The following CRYBG1 variants were observed in gnomAD, a reference collection of about 807,000 sequenced individuals.
The protein encoded by CRYBG1 is beta/gamma crystallin domain-containing protein 1.
A neutral mutation model predicts 189.2 loss-of-function variants in CRYBG1; 139 were observed. The observed-to-expected ratio is 0.73, with a 90% CI of 0.64 to 0.85. The LOEUF (loss-of-function observed/expected upper bound fraction) is 0.85. Ranked by LOEUF, CRYBG1 falls within the 40% of genes least tolerant of loss-of-function variation. CRYBG1 has a pLI of 0.00. For missense variants in CRYBG1, 2,611 were observed against 2,675.8 expected (o/e 0.98, Z 0.53); for synonymous variants, 1,023 against 1,017.1 (o/e 1.01, Z -0.11).
At chr6:106,391,723 CT>C (rs1758326424) in intron 1 of CRYBG1, among the ~76,000 whole-genome samples, 1 of 152,140 alleles carries the variant, frequency 6.6e-6, no homozygotes, top group Admixed American at 6.5e-5. Flanking sequence ...GGGAGCTTTG[CT>C]GGCCCTGGGC....
chr6:106,409,681 G>A (rs1770889539), intron 1 of CRYBG1, among the ~76,000 whole-genome samples: 1 of 152,066 alleles, frequency 6.6e-6, no homozygotes, highest in South Asian at 2.1e-4. Flanking sequence ...CAGATATATA[G>A]ACCAATGGAA....
chr6:106,555,024 G>A (rs1301980434), intron 16 of CRYBG1, among the ~76,000 whole-genome samples: 6 of 151,880 alleles, frequency 4.0e-5, no homozygotes, highest in African/African-American at 9.7e-5. Context: ...AATTAGCCAG[G>A]TGTGGTGGCA....
In CRYBG1 at chr6:106,512,693, C is replaced by T; in HGVS notation, c.1576C>T (p.Pro526Ser). ...KGRSRALEAV[P>S]APPASGPRAP... ...CAGGAGCCGTGCCCTCGAGGCCGTGCCCGCCCCGCCCGCCAGCGGCCCCCG... is the reference window on the plus strand; with the variant it reads ...CAGGAGCCGTGCCCTCGAGGCCGTGTCCGCCCCGCCCGCCAGCGGCCCCCG... The change falls in exon 3 of 22, where the codon CCC (proline) becomes TCC (serine). Residue 526 changes from proline (P) to serine (S), a missense_variant. Physicochemically the swap from Pro to Ser is moderately conservative, Grantham distance 74. This residue lies in a region of CRYBG1 where 985 missense variants were observed against 924.4 expected (regional missense o/e 1.07). Coordinates refer to ENST00000633556, the MANE Select transcript of CRYBG1 (RefSeq NM_001371242.2). 6.5e-7 allele frequency: 1 copy of T among 1,542,062 alleles called. No homozygotes were observed. The highest frequency in any genetic ancestry group is 2.0e-5 in the Admixed American group (1 of 50,034).
At chr6:106,522,033 G>A (rs1394298192) in intron 4 of CRYBG1, among the ~76,000 whole-genome samples, 1 of 152,094 alleles carries the variant, frequency 6.6e-6, no homozygotes, top group African/African-American at 2.4e-5. Flanking sequence ...CTGACTGGCT[G>A]GCAATAAATC....
intron 1 of CRYBG1, among the ~76,000 whole-genome samples, chr6:106,443,330 T>C (rs1044399508): frequency 2.0e-5 from 3 of 152,210 alleles, no homozygotes; most frequent in African/African-American, 7.2e-5. Flanking sequence ...ATTCATAATG[T>C]TTTATATAAT....
intron 8 of CRYBG1, among the ~76,000 whole-genome samples, chr6:106,535,761 T>TAAAACGA (rs1582824361): frequency 1.9e-5 from 1 of 53,204 alleles, no homozygotes; most frequent in African/African-American, 6.8e-5. Flanking sequence ...CACTAACTTT[T>TAAAACGA]TTTTTTTTTT....
chr6:106,567,744 G>T (rs1057050145), intron 21 of CRYBG1, among the ~76,000 whole-genome samples: 5 of 152,132 alleles, frequency 3.3e-5, no homozygotes, highest in Admixed American at 6.5e-5. Context: ...AAGCCATGAG[G>T]CTGTTTTTAG....
chr6:106,543,685 C>T (rs776921059), intron 11 of CRYBG1, 88 bp downstream of exon 11: 1 of 1,373,742 alleles, frequency 7.3e-7, no homozygotes, highest in Non-Finnish European at 1.0e-6. Flanking sequence ...AAACAACATT[C>T]CTGATTCTAT....
At chr6:106,426,673 T>G (rs757726009) in intron 1 of CRYBG1, among the ~76,000 whole-genome samples, 22 of 152,212 alleles carry the variant, frequency 1.4e-4, no homozygotes, top group Non-Finnish European at 2.4e-4. Context: ...GGGCAGAGTC[T>G]GCCCCTGGAG....
chr6:106,512,404 C>T lies in CRYBG1; in HGVS notation c.1287C>T (p.Asp429=). The part of the protein sequence containing the change: ...GRRRGSQKST[D]SPGADAELPE... ...GGAGGGGGTCGCAGAAATCCACCGA[C>T]TCCCCCGGCGCGGACGCCGAGCTCC... Residue 429 remains aspartate, a synonymous_variant, in exon 3 of 22, where the codon GAC becomes GAT. Transcript: ENST00000633556. The T allele has an allele frequency of 1.2e-6, 2 of 1,608,992 alleles. No homozygotes were observed. Among genetic ancestry groups the T allele is most frequent in the Non-Finnish European group, 1.7e-6 (2 of 1,178,410 alleles).
At chr6:106,404,534 A>G (rs1770781874) in intron 1 of CRYBG1, among the ~76,000 whole-genome samples, 1 of 152,166 alleles carries the variant, frequency 6.6e-6, no homozygotes, top group Non-Finnish European at 1.5e-5. Context: ...TAATATCTTC[A>G]CTGATATCTT....
intron 11 of CRYBG1, among the ~76,000 whole-genome samples, chr6:106,543,945 G>A (rs1774199646): frequency 6.6e-6 from 1 of 152,190 alleles, no homozygotes; most frequent in Admixed American, 6.5e-5. Context: ...CCAGCTACTT[G>A]GGAGGCTGAG....
At chr6:106,416,099 C>A (rs1172088694) in intron 1 of CRYBG1, among the ~76,000 whole-genome samples, 2 of 152,220 alleles carry the variant, frequency 1.3e-5, no homozygotes, top group Non-Finnish European at 2.9e-5. Flanking sequence ...CTGCTGCCCC[C>A]TTTCTTGGCC....
chr6:106,471,803 TAA>T (rs36006580), intron 2 of CRYBG1, among the ~76,000 whole-genome samples: 24 of 135,912 alleles, frequency 1.8e-4, no homozygotes, highest in Admixed American at 2.2e-4. Context: ...GCCAGACAGT[TAA>T]AAAAAAAAAA....
At chr6:106,550,878 A>G (rs917675231) in intron 13 of CRYBG1, among the ~76,000 whole-genome samples, 3 of 152,026 alleles carry the variant, frequency 2.0e-5, no homozygotes, top group Non-Finnish European at 2.9e-5. Context: ...AAAAGCACAG[A>G]GAAGTATTGC....
intron 16 of CRYBG1, among the ~76,000 whole-genome samples, chr6:106,554,894 C>T (rs146001090): frequency 4.5e-4 from 68 of 152,180 alleles, no homozygotes; most frequent in East Asian, 2.1e-3. Context: ...GGGCCAGGCA[C>T]GGTGACTCAC....
intron 2 of CRYBG1, among the ~76,000 whole-genome samples, chr6:106,500,497 T>C (rs114741727): frequency 0.016 from 2,472 of 152,288 alleles, 61 homozygotes; most frequent in African/African-American, 0.053. Flanking sequence ...CAGATCCTTT[T>C]TCCATTTTTT....
At chr6:106,491,126 C>A (rs1020275073) in intron 2 of CRYBG1, among the ~76,000 whole-genome samples, 1 of 152,132 alleles carries the variant, frequency 6.6e-6, no homozygotes, top group Admixed American at 6.5e-5. Context: ...TTTATTTAAA[C>A]AAAATGATGA....
chr6:106,399,767 C>T (rs1212570097), intron 1 of CRYBG1, among the ~76,000 whole-genome samples: 1 of 151,574 alleles, frequency 6.6e-6, no homozygotes, highest in Non-Finnish European at 1.5e-5. Flanking sequence ...AGGCATCCTG[C>T]CACCTCAGCC....
Sources: gnomAD v4.1 joint callset for allele counts (sites outside exome capture counted in the v4.1 genomes callset) on GRCh38, gnomAD v4.1.1 for gene constraint, gnomAD v4.1.1 regional missense constraint, MANE v1.5 for transcripts, NCBI Gene and HGNC (gene_info 2026-07-23, HGNC 2026-07-21) for gene names.